Variants in PDZD2 observed in about 807,000 individuals in gnomAD.
The protein encoded by PDZD2 is PDZ domain-containing protein 2.
Under a neutral mutation model 220.7 loss-of-function variants are expected in PDZD2, and 90 were observed. The observed-to-expected ratio is 0.41, with a 90% CI of 0.34 to 0.49. The LOEUF (loss-of-function observed/expected upper bound fraction) is 0.49. PDZD2 is among the 20% of genes least tolerant of loss of function. The pLI is 0.28. For synonymous variants in PDZD2, 1,375 were observed against 1,450.5 expected, an observed-to-expected ratio of 0.95 and a Z score of 1.18; for missense variants, 3,174 against 3,608.5, an observed-to-expected ratio of 0.88 and a Z score of 3.08.
At chr5:31,676,568 C>CTTT (rs778418372) in intron 1 of PDZD2, among the ~76,000 whole-genome samples, 11,429 of 136,258 alleles carry the variant, frequency 0.084, 552 homozygotes, top group East Asian at 0.15. Context: ...TTTGCTTTCT[C>CTTT]TTTTTTTTTT....
chr5:31,698,058 G>A (rs112598121), intron 1 of PDZD2, among the ~76,000 whole-genome samples: 67,786 of 145,894 alleles, frequency 0.46, 15,956 homozygotes, highest in East Asian at 0.64. Flanking sequence ...GCGTGCCACC[G>A]CACCCAGCTA....
intron 1 of PDZD2, among the ~76,000 whole-genome samples, chr5:31,724,598 G>A (rs1305230053): frequency 5.9e-4 from 46 of 77,776 alleles, no homozygotes; most frequent in Admixed American, 3.0e-3. Context: ...GTGAAATTCC[G>A]TCTCAAAAAA....
At chr5:31,971,023 A>C (rs77431394) in intron 2 of PDZD2, among the ~76,000 whole-genome samples, 5,780 of 152,334 alleles carry the variant, frequency 0.038, 147 homozygotes, top group Middle Eastern at 0.078. Flanking sequence ...TAGGTCAGAT[A>C]GACCCTTCCC....
chr5:31,783,502 A>C (rs1245525484), intron 1 of PDZD2, among the ~76,000 whole-genome samples: 1 of 152,174 alleles, frequency 6.6e-6, no homozygotes, highest in African/African-American at 2.4e-5. Context: ...ATTTTCACAT[A>C]GTTTCTTTAG....
At chr5:31,914,421 C>T (rs1053574197) in intron 2 of PDZD2, among the ~76,000 whole-genome samples, 7 of 152,082 alleles carry the variant, frequency 4.6e-5, no homozygotes, top group Admixed American at 2.6e-4. Context: ...CTCAGCTACT[C>T]GGGAGGCTGA....
At chr5:31,935,995 A>G in intron 2 of PDZD2, 1 of 607,252 alleles carries the variant, frequency 1.6e-6, no homozygotes, top group Non-Finnish European at 2.1e-6. Context: ...TGGTTCCAAT[A>G]CACTGGCAGG....
intron 2 of PDZD2, among the ~76,000 whole-genome samples, chr5:31,824,538 G>A (rs1298831049): frequency 6.6e-6 from 1 of 152,122 alleles, no homozygotes; most frequent in African/African-American, 2.4e-5. Flanking sequence ...GGAAGGTGGG[G>A]TGAGTGTTTA....
intron 1 of PDZD2, among the ~76,000 whole-genome samples, chr5:31,734,921 A>G (rs1749760460): frequency 6.6e-6 from 1 of 152,226 alleles, no homozygotes; most frequent in Non-Finnish European, 1.5e-5. Context: ...CTCATTGTAA[A>G]TGACAATATC....
intron 2 of PDZD2, among the ~76,000 whole-genome samples, chr5:31,955,046 T>C (rs1342847500): frequency 6.6e-6 from 1 of 152,126 alleles, no homozygotes; most frequent in East Asian, 1.9e-4. Flanking sequence ...CCAAGCCCCG[T>C]ACCCTGTGGA....
Position 32,101,239 on chromosome 5 carries a change from G to A in PDZD2, c.8353G>A (p.Gly2785Ser), listed in dbSNP as rs897257713. 3 of 1,608,606 alleles carry A rather than the reference G, an allele frequency of 1.9e-6. No homozygotes were observed. Among genetic ancestry groups the A allele is most frequent in the Non-Finnish European group, 2.5e-6 (3 of 1,176,654 alleles). Residue 2785 changes from glycine (G) to serine (S), a missense_variant and splice_region_variant, in exon 24 of 25, where the codon GGT becomes AGT. By Grantham distance (56) the Gly-to-Ser change is moderately conservative. Coordinates refer to ENST00000438447, the MANE Select transcript of PDZD2 (RefSeq NM_178140.4). ...CTTGGTCATTAAAAGAGTGTACAAA[G>A]GTAATGTTCTAGACAACTCAGTCAG... ...GPLVIKRVYK[G>S]GAAEQAGIIE...
intron 1 of PDZD2, among the ~76,000 whole-genome samples, chr5:31,685,638 C>G (rs7726188): frequency 0.23 from 35,683 of 152,036 alleles, 4,359 homozygotes; most frequent in African/African-American, 0.3. Context: ...TTCCTCCCAC[C>G]TTAGCCTTCC....
At chr5:31,827,086 G>A (rs1044857564) in intron 2 of PDZD2, among the ~76,000 whole-genome samples, 2 of 152,172 alleles carry the variant, frequency 1.3e-5, no homozygotes, top group Non-Finnish European at 2.9e-5. Flanking sequence ...CCTGGCCAGG[G>A]AACCTTGCTC....
intron 3 of PDZD2, among the ~76,000 whole-genome samples, chr5:31,985,384 A>T (rs554740103): frequency 4.6e-5 from 7 of 152,322 alleles, no homozygotes; most frequent in Admixed American, 1.3e-4. Flanking sequence ...GACACAGTGG[A>T]AATAATTTGG....
At chr5:31,665,023 T>C (rs1390517404) in intron 1 of PDZD2, 1 of 152,296 alleles carries the variant, frequency 6.6e-6, no homozygotes, top group East Asian at 1.9e-4. Context: ...GCAAGGAGTC[T>C]ACACTATGAA....
chr5:32,000,047 C>T lies in PDZD2; in HGVS notation c.1122-92C>T, dbSNP rs1016860960. The T allele has an allele frequency of 2.6e-6, 3 of 1,136,750 alleles. No homozygotes were observed. The African/African-American group carries it at 4.6e-5, about 17-fold the overall frequency. The allele number at this position is 1,136,750 out of a possible 1,614,324, so 70.4% of individuals were successfully genotyped here. On this transcript the variant is annotated intron_variant, in intron 4 of 24. Transcript: ENST00000438447. The surrounding 1 kb of genome is among the most constrained non-coding windows in gnomAD (Gnocchi z 4.5). ...CTCTTTAGCCCAATCTTAACCGTCCCTCCTCACAACCCTCCCTAGCTCCAG... is the reference window on the plus strand; with the variant it reads ...CTCTTTAGCCCAATCTTAACCGTCCTTCCTCACAACCCTCCCTAGCTCCAG...
chr5:32,005,749 C>T (rs1196159242), intron 5 of PDZD2, among the ~76,000 whole-genome samples: 1 of 152,188 alleles, frequency 6.6e-6, no homozygotes, highest in Non-Finnish European at 1.5e-5. Flanking sequence ...CCTTTAAAAG[C>T]TGCATGTCCT....
At chr5:31,671,116 C>G (rs1746199376) in intron 1 of PDZD2, among the ~76,000 whole-genome samples, 1 of 152,138 alleles carries the variant, frequency 6.6e-6, no homozygotes, top group South Asian at 2.1e-4. Flanking sequence ...ACGATGTCTG[C>G]TACAATCCAT....
intron 1 of PDZD2, among the ~76,000 whole-genome samples, chr5:31,670,564 C>G: frequency 6.6e-6 from 1 of 151,942 alleles, no homozygotes; most frequent in South Asian, 2.1e-4. Flanking sequence ...TTACAGGCAC[C>G]CGCCACCACG....
intron 6 of PDZD2, among the ~76,000 whole-genome samples, chr5:32,024,808 T>G (rs1754503307): frequency 6.6e-6 from 1 of 152,212 alleles, no homozygotes; most frequent in African/African-American, 2.4e-5. Context: ...TAATAAGCAT[T>G]TCAGGCTTTG....
Sources: allele counts gnomAD v4.1 joint callset (sites outside exome capture counted in the v4.1 genomes callset), GRCh38; gene constraint gnomAD v4.1.1; non-coding constraint Gnocchi (gnomAD v3.1); transcripts MANE v1.5; gene names NCBI Gene and HGNC (gene_info 2026-07-23, HGNC 2026-07-21).